The following SH3PXD2B variants were observed in gnomAD, a reference collection of about 807,000 sequenced individuals.
The protein encoded by SH3PXD2B is SH3 and PX domains 2B, also known as SH3 and PX domain-containing protein 2B.
In SH3PXD2B, 37 loss-of-function variants were observed where a neutral mutation model predicts 73.1. The observed-to-expected ratio is 0.51, with a 90% CI of 0.39 to 0.67. SH3PXD2B has a LOEUF of 0.67. SH3PXD2B is among the 30% of genes least tolerant of loss of function. SH3PXD2B has a pLI of 0.00. For synonymous variants in SH3PXD2B, 457 were observed against 480.5 expected, an observed-to-expected ratio of 0.95 and a Z score of 0.64; for missense variants, 1,053 against 1,197.8, an observed-to-expected ratio of 0.88 and a Z score of 1.78.
At chr5:172,388,687 G>A (rs1173378727) in intron 4 of SH3PXD2B, among the ~76,000 whole-genome samples, 2 of 152,228 alleles carry the variant, frequency 1.3e-5, no homozygotes, top group Non-Finnish European at 2.9e-5. Flanking sequence ...GTCTGACTCT[G>A]GAGAGAAGTC....
chr5:172,344,043 GATCA>G (rs1756921735), intron 12 of SH3PXD2B, among the ~76,000 whole-genome samples: 1 of 151,936 alleles, frequency 6.6e-6, no homozygotes, highest in Non-Finnish European at 1.5e-5. Context: ...CTTCTGTGAA[GATCA>G]GTTATCAAGG....
chr5:172,333,058 C>G (rs1756593529), downstream of SH3PXD2B, among the ~76,000 whole-genome samples: 1 of 151,712 alleles, frequency 6.6e-6, no homozygotes, highest in Non-Finnish European at 1.5e-5. Flanking sequence ...GCCTCAGCCT[C>G]CCAAGTAGCT....
chr5:172,416,715 T>C (rs1318516034), intron 2 of SH3PXD2B, among the ~76,000 whole-genome samples: 2 of 89,910 alleles, frequency 2.2e-5, no homozygotes, highest in African/African-American at 9.3e-5. Context: ...TTTTTTTTTT[T>C]TTTTTTTTTT....
At chr5:172,396,922 C>A (rs1030800930) in intron 3 of SH3PXD2B, among the ~76,000 whole-genome samples, 8 of 151,958 alleles carry the variant, frequency 5.3e-5, no homozygotes, top group African/African-American at 1.9e-4. Context: ...GCCTGGGTGA[C>A]AAGAGCAAAA....
At chr5:172,450,624 G>T (rs1246924678) in intron 1 of SH3PXD2B, among the ~76,000 whole-genome samples, 2 of 152,092 alleles carry the variant, frequency 1.3e-5, no homozygotes, top group Non-Finnish European at 2.9e-5. Flanking sequence ...AACATTTAAA[G>T]ATCTTGAGAC....
At chr5:172,439,680 GCGCACGCGCGCGCACA>G in intron 1 of SH3PXD2B, among the ~76,000 whole-genome samples, 2 of 93,884 alleles carry the variant, frequency 2.1e-5, no homozygotes, top group Admixed American at 1.1e-4. Context: ...GCGTGCGTGC[GCGCACGCGCGCGCACA>G]CACACACACA....
At chr5:172,352,808 T>G (rs1478610974) in intron 9 of SH3PXD2B, among the ~76,000 whole-genome samples, 2 of 152,210 alleles carry the variant, frequency 1.3e-5, no homozygotes, top group African/African-American at 4.8e-5. Flanking sequence ...TCCCCAGCCA[T>G]GTGGAACTGT....
chr5:172,369,005 C>T (rs1229157708), intron 6 of SH3PXD2B, among the ~76,000 whole-genome samples: 2 of 149,632 alleles, frequency 1.3e-5, no homozygotes, highest in Non-Finnish European at 3.0e-5. Context: ...AGCAATTCTC[C>T]TGCCTCAGCC....
chr5:172,339,052 C>T lies in SH3PXD2B; in HGVS notation c.2053G>A (p.Gly685Ser). Reference sequence around the variant, plus strand: ...TCTTGGCCCCCTACTGCCTGGGGGCCCTCCCCATCCAACAAGGACTTGTCT... The same window carrying T: ...TCTTGGCCCCCTACTGCCTGGGGGCTCTCCCCATCCAACAAGGACTTGTCT... ...SQDKSLLDGE[G>S]PQAVGGQDVA... Residue 685 changes from glycine (G) to serine (S), a missense_variant, in exon 13 of 13, where the codon GGC (glycine) becomes AGC (serine). Gly to Ser is a moderately conservative substitution (Grantham distance 56). Coordinates refer to ENST00000311601, the MANE Select transcript of SH3PXD2B (RefSeq NM_001017995.3). This position sits in a 1 kb window ranked among gnomAD's most constrained non-coding sequence, Gnocchi z 6.1. 3 of 1,614,196 alleles carry T rather than the reference C, an allele frequency of 1.9e-6. No homozygotes were observed. Among genetic ancestry groups the T allele is most frequent in the Non-Finnish European group, 2.5e-6 (3 of 1,180,012 alleles).
intron 6 of SH3PXD2B, 139 bp from the exon 7 acceptor site, chr5:172,363,008 C>G (rs1315881040): frequency 1.7e-6 from 2 of 1,163,306 alleles, no homozygotes; most frequent in South Asian, 1.3e-5. Context: ...GTGACTTCAT[C>G]CATTCATTGT....
At chr5:172,343,358 A>C (rs904368471) in intron 12 of SH3PXD2B, among the ~76,000 whole-genome samples, 5 of 152,220 alleles carry the variant, frequency 3.3e-5, no homozygotes, top group Non-Finnish European at 5.9e-5. Context: ...TAGGGTAATC[A>C]ATATTAGATG....
chr5:172,394,766 C>T, intron 3 of SH3PXD2B, 127 bp from the exon 4 acceptor site: 1 of 901,878 alleles, frequency 1.1e-6, no homozygotes, highest in South Asian at 1.4e-5. Context: ...TGGCTGCGAT[C>T]AAGGTACCCC....
chr5:172,412,450 A>G (rs1758722469), intron 2 of SH3PXD2B, among the ~76,000 whole-genome samples: 1 of 152,262 alleles, frequency 6.6e-6, no homozygotes, highest in Non-Finnish European at 1.5e-5. Flanking sequence ...CGGACAGTGC[A>G]GGGCTGGACT....
At chr5:172,400,481 C>T (rs1046035612) in intron 3 of SH3PXD2B, among the ~76,000 whole-genome samples, 3 of 151,640 alleles carry the variant, frequency 2.0e-5, no homozygotes, top group Non-Finnish European at 2.9e-5. Flanking sequence ...AAGATAAAGG[C>T]ATTACCCCCC....
intron 6 of SH3PXD2B, among the ~76,000 whole-genome samples, chr5:172,369,340 A>T (rs946657347): frequency 6.6e-6 from 1 of 152,038 alleles, no homozygotes; most frequent in Non-Finnish European, 1.5e-5. Context: ...GTAGTGATAG[A>T]GACTGTATGT....
rs2113246595 is a variant in SH3PXD2B, at chr5:172,337,558, CT to C, written c.*810del. The C allele has an allele frequency of 1.0e-6, 1 of 985,588 alleles. No individual in the cohort carries two copies. Among genetic ancestry groups the C allele is most frequent in the Non-Finnish European group, 1.2e-6 (1 of 830,024 alleles). 61.1% of individuals were successfully genotyped at this position (985,588 alleles called of 1,614,324 possible). ...TGAATGGGCCTCTTATTCAAACAAA[CT>C]TTGAGATTCTTGCTTTAGGTAGGCA... On this transcript the variant is annotated 3_prime_UTR_variant, in exon 13 of 13. Transcript: ENST00000311601.
Position 172,454,505 on chromosome 5 carries a change from C to CACCG in SH3PXD2B, c.-154_-153insCGGT. 2.5e-5 allele frequency: 5 copies of CACCG among 201,166 alleles called. No individual in the cohort carries two copies. The highest frequency in any genetic ancestry group is 4.4e-5 in the Non-Finnish European group (5 of 114,450). The allele number at this position is 201,166 out of a possible 1,614,324, so 12.5% of individuals were successfully genotyped here. On this transcript the variant is annotated 5_prime_UTR_variant, in exon 1 of 13. Transcript: ENST00000311601. ...GAGCCGCCGCCGCCACCGCCGCCGC[C>CACCG]CTTCGCTCGGCGCGCACTCCAGCCG... is the stretch of plus-strand genomic sequence containing the variant.
chr5:172,380,236 T>C (rs1436596859), intron 5 of SH3PXD2B, among the ~76,000 whole-genome samples: 3 of 151,946 alleles, frequency 2.0e-5, no homozygotes, highest in East Asian at 3.9e-4. Flanking sequence ...TTTTTTTTTA[T>C]TTTTAGTAGA....
rs938119583 is a variant in SH3PXD2B, at chr5:172,373,804, C to G, written c.413G>C (p.Gly138Ala). The change falls in exon 6 of 13, where the codon GGG becomes GCG. Residue 138 changes from glycine (G) to alanine (A), a missense_variant. By Grantham distance (60) the Gly-to-Ala change is moderately conservative. This residue lies in a region of SH3PXD2B where 466 missense variants were observed against 607.1 expected (regional missense o/e 0.77). Coordinates refer to ENST00000311601, the MANE Select transcript of SH3PXD2B (RefSeq NM_001017995.3). ...AATATTCTTACCAGATTTCTTTTTC[C>G]CAATGTGCTCCCTGTACAGGAAAGA... ...DLNPPKEEHI[G>A]KKKSGGDQTS... is the part of the protein sequence containing the mutation. The G allele has an allele frequency of 6.2e-7, 1 of 1,613,886 alleles. No individual in the cohort carries two copies. Among genetic ancestry groups the G allele is most frequent in the Admixed American group, 1.7e-5 (1 of 59,996 alleles).
Sources: gnomAD v4.1 joint callset for allele counts (sites outside exome capture counted in the v4.1 genomes callset) on GRCh38, gnomAD v4.1.1 for gene constraint, gnomAD v4.1.1 regional missense constraint, Gnocchi (gnomAD v3.1) non-coding constraint, MANE v1.5 for transcripts, NCBI Gene and HGNC (gene_info 2026-07-23, HGNC 2026-07-21) for gene names.